The following NKIRAS1 variants were observed in gnomAD, a reference collection of about 807,000 sequenced individuals.
The protein encoded by NKIRAS1 is NFKB inhibitor interacting Ras like 1.
A neutral mutation model predicts 19.8 loss-of-function variants in NKIRAS1; 16 were observed. That is an observed-to-expected ratio of 0.81 (90% CI 0.55 to 1.23). The LOEUF is 1.23. Ranked by LOEUF, NKIRAS1 falls within the 50% of genes most tolerant of loss-of-function variation. NKIRAS1 has a pLI of 0.00. For synonymous variants in NKIRAS1, 88 were observed against 79.0 expected, an observed-to-expected ratio of 1.11 and a Z score of -0.61; for missense variants, 184 against 220.0, an observed-to-expected ratio of 0.84 and a Z score of 1.04.
chr3:23,929,190 C>T (rs527748887), intron 1 of NKIRAS1, among the ~76,000 whole-genome samples: 106 of 151,482 alleles, frequency 7.0e-4, no homozygotes, highest in Admixed American at 5.5e-3. Context: ...GGTAAAACCT[C>T]GTCTCTACTA....
At chr3:23,946,417 G>T (rs77454224) in exon 1 of NKIRAS1, 4,998 of 467,694 alleles carry the variant, frequency 0.011, 260 homozygotes, top group African/African-American at 0.099. Context: ...GAAGGGATAC[G>T]CTCGAAGGAG....
intron 1 of NKIRAS1, among the ~76,000 whole-genome samples, chr3:23,939,225 T>C (rs36063721): frequency 0.14 from 20,561 of 152,096 alleles, 1,997 homozygotes; most frequent in African/African-American, 0.26. Context: ...CTCTGGCTAA[T>C]TGAACAAATG....
chr3:23,915,755 C>T (rs1704303412), intron 1 of NKIRAS1, among the ~76,000 whole-genome samples: 1 of 152,136 alleles, frequency 6.6e-6, no homozygotes, highest in Non-Finnish European at 1.5e-5. Flanking sequence ...GGCTCTTCTC[C>T]CTCTGCCTGA....
intron 2 of NKIRAS1, 96 bp from the exon 3 acceptor site, chr3:23,911,017 CAG>C: frequency 1.1e-6 from 1 of 903,238 alleles, no homozygotes; most frequent in Non-Finnish European, 1.7e-6. Flanking sequence ...AACACATGCA[CAG>C]GGGAAATTTT....
chr3:23,900,321 C>A (rs1702386096), intron 4 of NKIRAS1, among the ~76,000 whole-genome samples: 1 of 152,006 alleles, frequency 6.6e-6, no homozygotes, highest in African/African-American at 2.4e-5. Flanking sequence ...TTCAGTCAGA[C>A]CTGTATTTCT....
At chr3:23,904,744 A>C (rs9857442) in intron 3 of NKIRAS1, among the ~76,000 whole-genome samples, 30,535 of 152,112 alleles carry the variant, frequency 0.2, 3,039 homozygotes, top group Non-Finnish European at 0.21. Context: ...AGACAATAGA[A>C]GCTGATAAAG....
chr3:23,903,086 G>A (rs1336228139), intron 3 of NKIRAS1, among the ~76,000 whole-genome samples: 1 of 152,148 alleles, frequency 6.6e-6, no homozygotes, highest in African/African-American at 2.4e-5. Context: ...CTATCCATAT[G>A]CTTAGAGCTT....
rs1237296678 is a variant in NKIRAS1 at position 23,892,190 on chromosome 3, TAA to T, written c.*903_*904del. On this transcript the variant is annotated 3_prime_UTR_variant, in exon 5 of 5. Coordinates refer to ENST00000425478, the MANE Select transcript of NKIRAS1 (RefSeq NM_020345.4). ...GCTTACTTCCTACCTTTTAAATTAATAAAGTTACAGTCAGCCACATTGCTTGA... is the reference window on the plus strand; with the variant it reads ...GCTTACTTCCTACCTTTTAAATTAATAGTTACAGTCAGCCACATTGCTTGA... The T allele has an allele frequency of 2.0e-5, 3 of 152,354 alleles. No homozygotes were observed. The highest frequency in any genetic ancestry group is 3.9e-4 in the East Asian group (2 of 5,190). 9.4% of individuals were successfully genotyped at this position (152,354 alleles called of 1,614,324 possible). A position where few individuals can be genotyped will look rare whatever the true frequency, so the allele number is the denominator to read the frequency against.
rs992542157 is a variant in NKIRAS1, at chr3:23,893,294, T to C, written c.380A>G (p.Gln127Arg). 1.2e-5 allele frequency: 19 copies of C among 1,613,770 alleles called. No individual in the cohort carries two copies. Among genetic ancestry groups the C allele is most frequent in the Non-Finnish European group, 1.5e-5 (18 of 1,179,910 alleles). ...TGCCACTTCAGCGTCCACTTGTCTC[T>C]GCTCAGAAAGGTCGATTTTGTTTCC... ...VLGNKIDLSE[Q>R]RQVDAEVAQQ... Residue 127 changes from glutamine (Q) to arginine (R), a missense_variant, in exon 5 of 5, where the codon CAG (glutamine) becomes CGG (arginine). Gln to Arg is a conservative substitution (Grantham distance 43). Transcript: ENST00000425478.
intron 3 of NKIRAS1, among the ~76,000 whole-genome samples, chr3:23,902,946 T>C (rs1702663767): frequency 6.6e-6 from 1 of 152,236 alleles, no homozygotes; most frequent in African/African-American, 2.4e-5. Context: ...GCCAGCTCTT[T>C]ATCCCCATCC....
chr3:23,932,407 T>A (rs1189749478), intron 1 of NKIRAS1, among the ~76,000 whole-genome samples: 3 of 152,184 alleles, frequency 2.0e-5, no homozygotes, highest in African/African-American at 7.2e-5. Context: ...TATTATTGTT[T>A]GCTACAAAAT....
chr3:23,912,534 G>A (rs1433348851), intron 1 of NKIRAS1, among the ~76,000 whole-genome samples: 1 of 152,118 alleles, frequency 6.6e-6, no homozygotes, highest in Non-Finnish European at 1.5e-5. Context: ...TAAAAAGTCA[G>A]GAAACAACAG....
chr3:23,937,833 GTTGA>G (rs925999622), intron 1 of NKIRAS1, among the ~76,000 whole-genome samples: 70 of 152,194 alleles, frequency 4.6e-4, no homozygotes, highest in Admixed American at 1.4e-3. Context: ...GGTTTCTGTT[GTTGA>G]TTGTTTTGGA....
intron 1 of NKIRAS1, among the ~76,000 whole-genome samples, chr3:23,934,403 A>G (rs1705361234): frequency 6.6e-6 from 1 of 152,236 alleles, no homozygotes; most frequent in Admixed American, 6.5e-5. Flanking sequence ...TGCTGTCATA[A>G]TGATATGTCT....
chr3:23,891,525 A>C lies in NKIRAS1; in HGVS notation c.*1570T>G, dbSNP rs1701467030. ...ATAATCTACCCCATTTAGGCTTCAA[A>C]GACGAACCCTACTGCATCTTTTTAA... On this transcript the variant is annotated 3_prime_UTR_variant, in exon 5 of 5. Transcript: ENST00000425478. The C allele has an allele frequency of 6.6e-6, 1 of 152,230 alleles. No individual in the cohort carries two copies. Among genetic ancestry groups the C allele is most frequent in the Non-Finnish European group, 1.5e-5 (1 of 68,030 alleles). 9.4% of individuals were successfully genotyped at this position (152,230 alleles called of 1,614,324 possible). A position where few individuals can be genotyped will look rare whatever the true frequency, so the allele number is the denominator to read the frequency against.
At chr3:23,894,979 T>G (rs938890331) in intron 4 of NKIRAS1, among the ~76,000 whole-genome samples, 1 of 152,206 alleles carries the variant, frequency 6.6e-6, no homozygotes. Flanking sequence ...CTTTGACTTC[T>G]CCAATGGTCT....
intron 3 of NKIRAS1, among the ~76,000 whole-genome samples, chr3:23,901,533 C>T (rs1490328883): frequency 6.6e-6 from 1 of 151,962 alleles, no homozygotes; most frequent in Non-Finnish European, 1.5e-5. Flanking sequence ...AATAAAAATC[C>T]CCTTCTTGTT....
At chr3:23,909,871 T>G (rs1031106939) in intron 3 of NKIRAS1, among the ~76,000 whole-genome samples, 26 of 150,748 alleles carry the variant, frequency 1.7e-4, no homozygotes, top group African/African-American at 6.3e-4. Flanking sequence ...TTTGTTTTTT[T>G]TTTTTTGAGA....
chr3:23,898,357 C>CTA (rs1195481465), intron 4 of NKIRAS1, among the ~76,000 whole-genome samples: 1 of 151,862 alleles, frequency 6.6e-6, no homozygotes, highest in Non-Finnish European at 1.5e-5. Flanking sequence ...AAGAAATGAA[C>CTA]TACTGATCCA....
Sources: allele counts gnomAD v4.1 joint callset (sites outside exome capture counted in the v4.1 genomes callset), GRCh38; gene constraint gnomAD v4.1.1; transcripts MANE v1.5; gene names NCBI Gene and HGNC (gene_info 2026-07-23, HGNC 2026-07-21).